Variants in DHX37 observed in about 807,000 individuals in gnomAD.
DHX37 encodes the protein DEAH-box helicase 37.
In DHX37, 52 loss-of-function variants were observed where a neutral mutation model predicts 134.3. That is an observed-to-expected ratio of 0.39 (90% CI 0.31 to 0.49). The LOEUF is 0.49. Ranked by LOEUF, DHX37 falls within the 20% of genes least tolerant of loss-of-function variation. The pLI is 0.93. For synonymous variants in DHX37, 634 were observed against 670.7 expected (o/e 0.95, Z 0.85); for missense variants, 1,344 against 1,580.8 (o/e 0.85, Z 2.54).
intron 15 of DHX37, 154 bp from the exon 16 acceptor site, chr12:124,960,577 C>A (rs1206470811): frequency 8.4e-5 from 71 of 844,052 alleles, no homozygotes; most frequent in Non-Finnish European, 9.4e-5. Context: ...GGTGCTTTAC[C>A]GCTTCCTGCC....
chr12:124,976,841 T>G (rs1006990410), intron 5 of DHX37, among the ~76,000 whole-genome samples: 1 of 134,106 alleles, frequency 7.5e-6, no homozygotes, highest in African/African-American at 2.8e-5. Context: ...AAAATAATAA[T>G]AATAAAAAGA....
At chr12:124,961,112 C>A (rs1302179933) in intron 15 of DHX37, among the ~76,000 whole-genome samples, 1 of 152,240 alleles carries the variant, frequency 6.6e-6, no homozygotes, top group Non-Finnish European at 1.5e-5. Flanking sequence ...ACAAAAGGAA[C>A]AGCAATAAAG....
At position 124,988,869 on chromosome 12, in the gene DHX37, C is replaced by T. The variant is rs1010580018; in HGVS notation, c.106+48G>A. On this transcript the variant is annotated intron_variant, in intron 1 of 26. Transcript: ENST00000308736. ...AGAGTCCTGAAGGCAGGGCACAGGC[C>T]GCCCTGGGAAATCTCCGAAATCCAG... is the stretch of plus-strand genomic sequence containing the variant. 3.4e-5 allele frequency: 41 copies of T among 1,217,324 alleles called. No individual in the cohort carries two copies. In the African/African-American group the frequency reaches 5.3e-4, roughly 16 times the overall value. The allele number at this position is 1,217,324 out of a possible 1,614,324, so 75.4% of individuals were successfully genotyped here.
At chr12:124,967,055 C>G in intron 11 of DHX37, 68 bp downstream of exon 11, 2 of 1,582,450 alleles carry the variant, frequency 1.3e-6, no homozygotes, top group South Asian at 2.2e-5. Flanking sequence ...GAGCTGCACC[C>G]CAGCCAGGGA....
rs759733334 is a variant in DHX37 at position 124,972,606 on chromosome 12, G to A, written c.981-7C>T. The A allele has an allele frequency of 6.2e-7, 1 of 1,613,900 alleles. No individual in the cohort carries two copies. The highest frequency in any genetic ancestry group is 8.5e-7 in the Non-Finnish European group (1 of 1,179,914). ...GATCTGGTAGGAGACGACCCTGTAT[G>A]GGCAGAGTTCGGGTTAGGGCAGAGC... On this transcript the variant is annotated splice_region_variant and splice_polypyrimidine_tract_variant and intron_variant, in intron 6 of 26. Transcript: ENST00000308736.
Position 124,967,531 on chromosome 12 carries a change from T to C in DHX37, c.1409-313A>G, listed in dbSNP as rs1368321933. Among the ~76,000 whole-genome samples, 4 of 152,164 alleles carry C rather than the reference T, an allele frequency of 2.6e-5. 1 individual carries two copies. Among genetic ancestry groups the C allele is most frequent in the South Asian group, 2.1e-4 (1 of 4,834 alleles). On this transcript the variant is annotated intron_variant, in intron 10 of 26. Transcript: ENST00000308736. ...GACAGTGACAGCGCCGCGGCTGCCCTGAGACCTGAGGCTGCAGGAAGGCTC... is the reference window on the plus strand; with the variant it reads ...GACAGTGACAGCGCCGCGGCTGCCCCGAGACCTGAGGCTGCAGGAAGGCTC...
intron 11 of DHX37, 81 bp downstream of exon 11, chr12:124,967,042 C>A: frequency 6.4e-7 from 1 of 1,557,278 alleles, no homozygotes; most frequent in South Asian, 1.1e-5. Flanking sequence ...AGCTCAGAGG[C>A]AGGAGCTGCA....
In DHX37 at chr12:124,966,786, C is replaced by G. The variant is rs770948523; in HGVS notation, c.1590+7G>C. The stretch of plus-strand genomic sequence containing the variant: ...TCTCCAGGAGTCCCTGCCAGCCCCC[C>G]ACGTACCTCAGCCCGCGCCTTCTTG... On this transcript the variant is annotated splice_region_variant and intron_variant, in intron 12 of 26. Transcript: ENST00000308736. The G allele has an allele frequency of 1.2e-6, 2 of 1,614,242 alleles. No homozygotes were observed. The highest frequency in any genetic ancestry group is 1.7e-5 in the Admixed American group (1 of 60,036).
rs946793884 is a variant in DHX37, at chr12:124,983,641, C to T, written c.277-1018G>A. On this transcript the variant is annotated intron_variant, in intron 2 of 26. Coordinates refer to ENST00000308736, the MANE Select transcript of DHX37 (RefSeq NM_032656.4). ...CTCTACTAAAAATACAAAAATTAGCCGGGCATGGTGGCGCATGCTTGTGGT... is the reference window on the plus strand; with the variant it reads ...CTCTACTAAAAATACAAAAATTAGCTGGGCATGGTGGCGCATGCTTGTGGT... 5.3e-5 allele frequency among the ~76,000 whole-genome samples: 8 copies of T among 151,820 alleles called. 1 individual carries two copies. The highest frequency in any genetic ancestry group is 1.3e-4 in the Admixed American group (2 of 15,226).
intron 16 of DHX37, 75 bp downstream of exon 16, chr12:124,960,237 C>A: frequency 6.4e-7 from 1 of 1,558,042 alleles, no homozygotes; most frequent in Non-Finnish European, 8.7e-7. Flanking sequence ...AGACCCAGCT[C>A]TGGGCTCCCT....
At chr12:124,964,661 A>G (rs778992820) in intron 14 of DHX37, 35 bp from the exon 15 acceptor site, 1 of 1,604,346 alleles carries the variant, frequency 6.2e-7, no homozygotes, top group African/African-American at 1.3e-5. Context: ...GGAAAACACC[A>G]GAATCAGAAA....
At chr12:124,967,746 C>T (rs1954420134) in intron 10 of DHX37, among the ~76,000 whole-genome samples, 1 of 152,182 alleles carries the variant, frequency 6.6e-6, no homozygotes, top group African/African-American at 2.4e-5. Context: ...TGAAGAAAGC[C>T]AGCCTTGGGC....
intron 18 of DHX37, among the ~76,000 whole-genome samples, chr12:124,956,351 C>A (rs1322015451): frequency 1.3e-5 from 2 of 151,272 alleles, no homozygotes; most frequent in Non-Finnish European, 2.9e-5. Context: ...GGCAGATCTA[C>A]GCAATAGGAT....
At chr12:124,971,460 C>G (rs1237676473) in intron 7 of DHX37, 45 bp from the exon 8 acceptor site, 2 of 1,595,146 alleles carry the variant, frequency 1.3e-6, no homozygotes, top group Non-Finnish European at 1.7e-6. Context: ...AGCCTAAGCC[C>G]CAAGGGCCGC....
At chr12:124,970,344 G>C (rs1954489703) in intron 8 of DHX37, among the ~76,000 whole-genome samples, 1 of 152,212 alleles carries the variant, frequency 6.6e-6, no homozygotes, top group Admixed American at 6.5e-5. Flanking sequence ...TCTGTGAACG[G>C]ACTAAAAACC....
At chr12:124,966,500 C>A (rs1374526293) in intron 12 of DHX37, among the ~76,000 whole-genome samples, 1 of 152,176 alleles carries the variant, frequency 6.6e-6, no homozygotes, top group Non-Finnish European at 1.5e-5. Context: ...GCAGCTGGGA[C>A]CACAGGCATG....
chr12:124,959,267 G>T (rs1003155459), intron 16 of DHX37, among the ~76,000 whole-genome samples: 7 of 152,014 alleles, frequency 4.6e-5, no homozygotes, highest in Admixed American at 2.6e-4. Flanking sequence ...TAGAGACGGG[G>T]TTTCACCTTG....
rs1367650155 is a variant in DHX37 at position 124,960,376 on chromosome 12, G to A, written c.2093C>T (p.Pro698Leu). Reference protein sequence around the residue: ...VFGDFEQFPPPEITRRPVEDL... With the variant: ...VFGDFEQFPPLEITRRPVEDL... ...TTCAACAGGCCTCCGGGTGATTTCT[G>A]GAGGAGGAAACTGCTCGAAGTCACC... The change falls in exon 16 of 27, where the codon CCA becomes CTA. Residue 698 changes from proline (P) to leucine (L), a missense_variant. Coordinates refer to ENST00000308736, the MANE Select transcript of DHX37 (RefSeq NM_032656.4). The A allele has an allele frequency of 1.9e-6, 3 of 1,614,040 alleles. No homozygotes were observed. Among genetic ancestry groups the A allele is most frequent in the Non-Finnish European group, 1.7e-6 (2 of 1,180,016 alleles).
intron 10 of DHX37, among the ~76,000 whole-genome samples, chr12:124,968,164 C>T (rs1211524030): frequency 4.6e-5 from 7 of 151,878 alleles, no homozygotes; most frequent in African/African-American, 1.2e-4. Flanking sequence ...AGGTGGGTAA[C>T]GGAGCAGGTA....
Sources: allele counts gnomAD v4.1 joint callset (sites outside exome capture counted in the v4.1 genomes callset), GRCh38; gene constraint gnomAD v4.1.1; transcripts MANE v1.5; gene names NCBI Gene and HGNC (gene_info 2026-07-23, HGNC 2026-07-21).